MYH14: variants seen among roughly 807,000 people sequenced by gnomAD.
The protein encoded by MYH14 is myosin-14.
In MYH14, 123 loss-of-function variants were observed where a neutral mutation model predicts 255.5. The ratio of observed to expected loss-of-function variants is 0.48; its 90% confidence interval spans 0.42 to 0.56. MYH14 has a LOEUF of 0.56. Ranked by LOEUF, MYH14 falls within the 20% of genes least tolerant of loss-of-function variation. The probability of loss-of-function intolerance (pLI) is 0.00; values close to 1 mark genes in which losing one functional copy is unlikely to be tolerated. For synonymous variants in MYH14, 1,095 were observed against 1,161.2 expected, an observed-to-expected ratio of 0.94 and a Z score of 1.16; for missense variants, 2,423 against 2,802.3, an observed-to-expected ratio of 0.86 and a Z score of 3.06.
At chr19:50,294,322 G>A (rs573812551) in intron 39 of MYH14, among the ~76,000 whole-genome samples, 2 of 151,430 alleles carry the variant, frequency 1.3e-5, no homozygotes, top group African/African-American at 4.8e-5. Flanking sequence ...CCTGGTGGAG[G>A]TGATGCCTTG....
chr19:50,298,897 C>A (rs2036378337), intron 39 of MYH14, among the ~76,000 whole-genome samples: 1 of 152,080 alleles, frequency 6.6e-6, no homozygotes, highest in Non-Finnish European at 1.5e-5. Flanking sequence ...GCCAGGACAA[C>A]AAAGTGAGAC....
intron 21 of MYH14, 44 bp downstream of exon 21, chr19:50,261,679 G>A (rs747372511): frequency 5.9e-6 from 9 of 1,529,828 alleles, no homozygotes; most frequent in Non-Finnish European, 7.9e-6. Flanking sequence ...GGCCGAGACT[G>A]GGTCAGGGAG....
At chr19:50,232,189 C>A in intron 10 of MYH14, 119 bp downstream of exon 10, 2 of 1,269,968 alleles carry the variant, frequency 1.6e-6, no homozygotes, top group Non-Finnish European at 1.1e-6. Flanking sequence ...TGGGTGCAGG[C>A]ACCGGGGCCA....
intron 39 of MYH14, among the ~76,000 whole-genome samples, chr19:50,300,003 T>A (rs1324563494): frequency 6.6e-6 from 1 of 152,110 alleles, no homozygotes; most frequent in Admixed American, 6.6e-5. Flanking sequence ...TCTACTTTTT[T>A]AAATGGGTAG....
In MYH14 at chr19:50,280,395, T is replaced by TA. The variant is rs2035676093; in HGVS notation, c.4290+13dup. Reference sequence around the variant, plus strand: ...CTGCCCAGGCCCAGGTGAGCAGCCCTACGTAAGACCTTCAGGGAGGCACAG... The same window carrying TA: ...CTGCCCAGGCCCAGGTGAGCAGCCCTAACGTAAGACCTTCAGGGAGGCACAG... On this transcript the variant is annotated intron_variant, in intron 32 of 42. Transcript: ENST00000642316. The surrounding 1 kb of genome is among the most constrained non-coding windows in gnomAD (Gnocchi z 4.8). 1 of 1,518,884 alleles carries TA rather than the reference T, an allele frequency of 6.6e-7. No homozygotes were observed. The highest frequency in any genetic ancestry group is 1.4e-5 in the African/African-American group (1 of 72,304). 94.1% of individuals were successfully genotyped at this position (1,518,884 alleles called of 1,614,324 possible).
chr19:50,291,156 G>A, intron 36 of MYH14, 108 bp downstream of exon 36: 1 of 1,050,382 alleles, frequency 9.5e-7, no homozygotes, highest in Non-Finnish European at 1.4e-6. Flanking sequence ...CAACCCACAG[G>A]CAGCATCCGC....
At chr19:50,225,838 C>G (rs998722330) in intron 7 of MYH14, among the ~76,000 whole-genome samples, 161 bp downstream of exon 7, 1 of 116,626 alleles carries the variant, frequency 8.6e-6, no homozygotes, top group Non-Finnish European at 1.8e-5. Context: ...GGCCTGGACC[C>G]CTGGGTCTGA....
In MYH14 at chr19:50,293,166, A is replaced by T; in HGVS notation, c.5257-67A>T. The T allele has an allele frequency of 8.6e-7, 1 of 1,156,458 alleles. No homozygotes were observed. Among genetic ancestry groups the T allele is most frequent in the East Asian group, 2.5e-5 (1 of 39,306 alleles). 71.6% of individuals were successfully genotyped at this position (1,156,458 alleles called of 1,614,324 possible). A position where few individuals can be genotyped will look rare whatever the true frequency, so the allele number is the denominator to read the frequency against. Reference sequence around the variant, plus strand: ...GAGCCTTGAGGTGTGAGGGACAGAGAAAGGGGTGAGACCCGTGCCCAGATT... The same window carrying T: ...GAGCCTTGAGGTGTGAGGGACAGAGTAAGGGGTGAGACCCGTGCCCAGATT... On this transcript the variant is annotated intron_variant, in intron 37 of 42. Coordinates refer to ENST00000642316, the MANE Select transcript of MYH14 (RefSeq NM_001145809.2). The surrounding 1 kb of genome is among the most constrained non-coding windows in gnomAD (Gnocchi z 4.1).
intron 17 of MYH14, 62 bp downstream of exon 17, chr19:50,255,380 C>A: frequency 7.8e-7 from 1 of 1,280,446 alleles, no homozygotes; most frequent in Non-Finnish European, 1.1e-6. Context: ...ACCTGTTGGG[C>A]TGGGGACCTG....
At position 50,276,854 on chromosome 19, in the gene MYH14, G is replaced by C. The variant is rs200272339; in HGVS notation, c.3778G>C (p.Gly1260Arg). ...AAVQELRQRH[G>R]QALGELAEQL... Reference sequence around the variant, plus strand: ...AGTGCAGGAGCTGAGGCAGCGCCACGGCCAGGCCCTGGGGGAGCTGGCGGA... The same window carrying C: ...AGTGCAGGAGCTGAGGCAGCGCCACCGCCAGGCCCTGGGGGAGCTGGCGGA... Residue 1260 changes from glycine (G) to arginine (R), a missense_variant, in exon 29 of 43, where the codon GGC (glycine) becomes CGC (arginine). By Grantham distance (125) the Gly-to-Arg change is moderately radical (BLOSUM62 -2). This residue lies in a region of MYH14 where 1,513 missense variants were observed against 1,674.8 expected (regional missense o/e 0.90). Transcript: ENST00000642316. The surrounding 1 kb of genome is among the most constrained non-coding windows in gnomAD (Gnocchi z 4.3). The C allele has an allele frequency of 4.5e-5, 73 of 1,612,200 alleles. No homozygotes were observed. Among genetic ancestry groups the C allele is most frequent in the Non-Finnish European group, 6.2e-5 (73 of 1,179,746 alleles).
intron 5 of MYH14, 134 bp downstream of exon 5, chr19:50,223,483 C>G: frequency 1.4e-6 from 1 of 699,038 alleles, no homozygotes; most frequent in South Asian, 1.6e-5. Context: ...TGAGCACCTA[C>G]TGTGTGCCTG....
intron 23 of MYH14, among the ~76,000 whole-genome samples, chr19:50,267,422 C>G (rs1191523595): frequency 1.3e-5 from 2 of 152,104 alleles, no homozygotes; most frequent in African/African-American, 2.4e-5. Flanking sequence ...GAGGCTGACG[C>G]GGGCAGATCA....
chr19:50,285,864 G>A (rs572488279), intron 33 of MYH14: 1 of 152,254 alleles, frequency 6.6e-6, no homozygotes, highest in East Asian at 1.9e-4. Context: ...CTCCTGATGT[G>A]TCCAGTCTGC....
chr19:50,293,519 C>G lies in MYH14; in HGVS notation c.5346-45C>G. ...GTAGTGTGAGGCAAGGCACCCTCCT[C>G]TGACCATCCTGTCCTTTCATCCCCA... On this transcript the variant is annotated intron_variant, in intron 38 of 42. Transcript: ENST00000642316. This position sits in a 1 kb window ranked among gnomAD's most constrained non-coding sequence, Gnocchi z 4.1. 1.2e-6 allele frequency: 2 copies of G among 1,608,190 alleles called. No individual in the cohort carries two copies. Among genetic ancestry groups the G allele is most frequent in the Non-Finnish European group, 1.7e-6 (2 of 1,177,838 alleles).
intron 25 of MYH14, 141 bp from the exon 26 acceptor site, chr19:50,271,708 A>C (rs2035307979): frequency 1.4e-6 from 2 of 1,449,752 alleles, no homozygotes; most frequent in Admixed American, 2.1e-5. Context: ...AAGGAGAGGG[A>C]GGTGTAGGGG....
At chr19:50,268,800 C>T (rs552352482) in intron 24 of MYH14, among the ~76,000 whole-genome samples, 14 of 152,234 alleles carry the variant, frequency 9.2e-5, no homozygotes, top group Admixed American at 5.2e-4. Context: ...CAAGTGATGT[C>T]CTTAGCTTCA....
intron 6 of MYH14, 111 bp from the exon 7 acceptor site, chr19:50,225,474 G>A (rs372509405): frequency 7.9e-6 from 6 of 754,746 alleles, no homozygotes; most frequent in African/African-American, 6.9e-5. Flanking sequence ...GACACACAAA[G>A]GCCCCTCACA....
chr19:50,257,172 G>A (rs1600955566), intron 17 of MYH14, 127 bp from the exon 18 acceptor site: 2 of 696,688 alleles, frequency 2.9e-6, no homozygotes, highest in Middle Eastern at 4.1e-4. Context: ...CTACCTTACA[G>A]GCTGTGTGAG....
chr19:50,238,734 G>A (rs1341084726), intron 10 of MYH14, among the ~76,000 whole-genome samples: 2 of 152,102 alleles, frequency 1.3e-5, no homozygotes, highest in Non-Finnish European at 2.9e-5. Context: ...TTACAGGTGT[G>A]AGCCACCACG....
Sources: gnomAD v4.1 joint callset for allele counts (sites outside exome capture counted in the v4.1 genomes callset) on GRCh38, gnomAD v4.1.1 for gene constraint, gnomAD v4.1.1 regional missense constraint, Gnocchi (gnomAD v3.1) non-coding constraint, MANE v1.5 for transcripts, NCBI Gene and HGNC (gene_info 2026-07-23, HGNC 2026-07-21) for gene names.